VPS26B: variants seen among roughly 807,000 people sequenced by gnomAD.
The protein encoded by VPS26B is vacuolar protein sorting-associated protein 26B.
A neutral mutation model predicts 33.3 loss-of-function variants in VPS26B; 10 were observed. The observed-to-expected ratio is 0.30, with a 90% CI of 0.19 to 0.51. VPS26B has a LOEUF of 0.51. Ranked by LOEUF, VPS26B falls within the 20% of genes least tolerant of loss-of-function variation. VPS26B has a pLI of 0.98. For missense variants in VPS26B, 317 were observed against 452.7 expected (o/e 0.70, Z 2.72); for synonymous variants, 190 against 176.9 (o/e 1.07, Z -0.59).
At chr11:134,237,504 G>A (rs1029130375) in intron 2 of VPS26B, among the ~76,000 whole-genome samples, 15 of 152,182 alleles carry the variant, frequency 9.9e-5, no homozygotes, top group African/African-American at 2.4e-4. Flanking sequence ...AATTGGAAGC[G>A]CAGACCTGGC....
intron 2 of VPS26B, among the ~76,000 whole-genome samples, chr11:134,239,349 T>C (rs1938683151): frequency 1.3e-5 from 2 of 152,166 alleles, no homozygotes; most frequent in Admixed American, 1.3e-4. Context: ...TATTTGCCCA[T>C]CTCCCCCGGT....
chr11:134,232,950 TC>T (rs1297404123), intron 1 of VPS26B, among the ~76,000 whole-genome samples: 5 of 152,210 alleles, frequency 3.3e-5, no homozygotes, highest in African/African-American at 1.2e-4. Context: ...CTTCTGCCTG[TC>T]ATATACTTCT....
At position 134,239,146 on chromosome 11, in the gene VPS26B, C is replaced by T. The variant is rs372663667; in HGVS notation, c.381-845C>T. 2.6e-5 allele frequency among the ~76,000 whole-genome samples: 4 copies of T among 152,150 alleles called. No individual in the cohort carries two copies. The South Asian group carries it at 6.2e-4, about 24-fold the overall frequency. ...CCCTTCAGGGCTGTGTCTCTGTCTTCTCTCTCATCCCCTCCACAGCAGCGT... is the reference window on the plus strand; with the variant it reads ...CCCTTCAGGGCTGTGTCTCTGTCTTTTCTCTCATCCCCTCCACAGCAGCGT... On this transcript the variant is annotated intron_variant, in intron 2 of 5. Coordinates refer to ENST00000281187, the MANE Select transcript of VPS26B (RefSeq NM_052875.5).
chr11:134,240,156 G>A lies in VPS26B; in HGVS notation c.545+1G>A. 1 of 1,614,156 alleles carries A rather than the reference G, an allele frequency of 6.2e-7. No homozygotes were observed. Among genetic ancestry groups the A allele is most frequent in the Non-Finnish European group, 8.5e-7 (1 of 1,180,016 alleles). On this transcript the variant is annotated splice_donor_variant, in intron 3 of 5. Transcript: ENST00000281187. LOFTEE classifies it high-confidence loss of function. The surrounding 1 kb of genome is among the most constrained non-coding windows in gnomAD (Gnocchi z 4.4). ...TTGAATTTGAGTACAATAAATCCAA[G>A]TAAGTGTCTCAGTGCCAAGGTTGTG... is the stretch of plus-strand genomic sequence containing the variant.
chr11:134,228,367 G>A (rs1187258291), intron 1 of VPS26B, among the ~76,000 whole-genome samples: 2 of 151,120 alleles, frequency 1.3e-5, no homozygotes, highest in Admixed American at 1.3e-4. Flanking sequence ...AGTTCTATTC[G>A]ATGTAAAAGG....
rs1361865686 is a variant in VPS26B, at chr11:134,246,603, C to T, written c.*1013C>T. The T allele has an allele frequency of 6.6e-6, 1 of 152,432 alleles. No individual in the cohort carries two copies. The highest frequency in any genetic ancestry group is 1.5e-5 in the Non-Finnish European group (1 of 68,030). The allele number at this position is 152,432 out of a possible 1,614,324, so 9.4% of individuals were successfully genotyped here. A position where few individuals can be genotyped will look rare whatever the true frequency, so the allele number is the denominator to read the frequency against. ...CTAATGCCCAAGCCCCTTTACCCCT[C>T]TCCCTATAGGTTACACAGGGGAGAC... On this transcript the variant is annotated 3_prime_UTR_variant, in exon 6 of 6. Transcript: ENST00000281187.
In VPS26B at chr11:134,240,016, C is replaced by T; in HGVS notation, c.406C>T (p.Arg136Cys). 1.2e-6 allele frequency: 2 copies of T among 1,614,092 alleles called. No individual in the cohort carries two copies. The highest frequency in any genetic ancestry group is 1.7e-6 in the Non-Finnish European group (2 of 1,180,008). The change falls in exon 3 of 6, where the codon CGC (arginine) becomes TGC (cysteine). Residue 136 changes from arginine (R) to cysteine (C), a missense_variant. Transcript: ENST00000281187. The surrounding 1 kb of genome is among the most constrained non-coding windows in gnomAD (Gnocchi z 4.4). ...LRYFLRATIS[R>C]RLNDVVKEMD... is the part of the protein sequence containing the mutation. The stretch of plus-strand genomic sequence containing the variant: ...CTATTTCCTTCGTGCTACCATCAGC[C>T]GCCGCCTCAATGATGTTGTCAAAGA...
At chr11:134,226,654 C>CACT (rs1291719654) in intron 1 of VPS26B, among the ~76,000 whole-genome samples, 2 of 152,218 alleles carry the variant, frequency 1.3e-5, no homozygotes, top group East Asian at 3.8e-4. Flanking sequence ...CGATACCACA[C>CACT]ACTGCATACA....
chr11:134,225,745 C>T (rs551696248), intron 1 of VPS26B, among the ~76,000 whole-genome samples: 38 of 152,344 alleles, frequency 2.5e-4, no homozygotes, highest in African/African-American at 8.4e-4. Context: ...CCAATACTGG[C>T]TTTCCCATCG....
Position 134,225,015 on chromosome 11 carries a change from G to C in VPS26B, c.-108G>C. 9.2e-7 allele frequency: 1 copy of C among 1,082,808 alleles called. No individual in the cohort carries two copies. The highest frequency in any genetic ancestry group is 1.2e-6 in the Non-Finnish European group (1 of 824,394). The allele number at this position is 1,082,808 out of a possible 1,614,324, so 67.1% of individuals were successfully genotyped here. On this transcript the variant is annotated 5_prime_UTR_variant, in exon 1 of 6. Transcript: ENST00000281187. ...GGCGGAGCCAGGCAGCCCCGCGGCGGCCGAGCGCGCTCGCGCATCGGGCCC... is the reference window on the plus strand; with the variant it reads ...GGCGGAGCCAGGCAGCCCCGCGGCGCCCGAGCGCGCTCGCGCATCGGGCCC...
intron 2 of VPS26B, among the ~76,000 whole-genome samples, chr11:134,236,011 G>A (rs1938626902): frequency 6.6e-6 from 1 of 152,058 alleles, no homozygotes; most frequent in African/African-American, 2.4e-5. Flanking sequence ...TTCTTTCTCT[G>A]TCCTCCCTTC....
At position 134,246,097 on chromosome 11, in the gene VPS26B, CTT is replaced by C. The variant is rs1171568281; in HGVS notation, c.*509_*510del. ...AAGACTCACGATTGGGAAGCTACCT[CTT>C]TGGGAATCTTGGATGTGGTGATCTC... On this transcript the variant is annotated 3_prime_UTR_variant, in exon 6 of 6. Coordinates refer to ENST00000281187, the MANE Select transcript of VPS26B (RefSeq NM_052875.5). 2 of 154,164 alleles carry C rather than the reference CTT, an allele frequency of 1.3e-5. No individual in the cohort carries two copies. Among genetic ancestry groups the C allele is most frequent in the Non-Finnish European group, 2.9e-5 (2 of 69,280 alleles). 9.5% of individuals were successfully genotyped at this position (154,164 alleles called of 1,614,324 possible).
chr11:134,229,737 C>CTT (rs923068736), intron 1 of VPS26B, among the ~76,000 whole-genome samples: 1 of 152,190 alleles, frequency 6.6e-6, no homozygotes, highest in African/African-American at 2.4e-5. Flanking sequence ...GTCTTCCTGC[C>CTT]TTTGTCTTCC....
At chr11:134,236,498 A>G (rs1313032465) in intron 2 of VPS26B, 1 of 152,172 alleles carries the variant, frequency 6.6e-6, no homozygotes, top group African/African-American at 2.4e-5. Context: ...TCTCGAACGG[A>G]TATCTGTACA....
rs1010222397 is a variant in VPS26B at position 134,240,939 on chromosome 11, G to A, written c.545+784G>A. ...CTACAGGCATGAGCCACCATGCCCAGCCCTGATGTATTTTTTATAAAAGTC... is the reference window on the plus strand; with the variant it reads ...CTACAGGCATGAGCCACCATGCCCAACCCTGATGTATTTTTTATAAAAGTC... On this transcript the variant is annotated intron_variant, in intron 3 of 5. Coordinates refer to ENST00000281187, the MANE Select transcript of VPS26B (RefSeq NM_052875.5). The surrounding 1 kb of genome is among the most constrained non-coding windows in gnomAD (Gnocchi z 4.4). Among the ~76,000 whole-genome samples the A allele has an allele frequency of 6.6e-6, 1 of 152,020 alleles. No individual in the cohort carries two copies. The highest frequency in any genetic ancestry group is 6.6e-5 in the Admixed American group (1 of 15,264).
chr11:134,225,485 T>C (rs1249295890), intron 1 of VPS26B, 140 bp downstream of exon 1: 1 of 849,084 alleles, frequency 1.2e-6, no homozygotes, highest in Admixed American at 2.1e-5. Context: ...CAGCTACAAG[T>C]CCCGCCCGTG....
At chr11:134,234,218 A>G (rs866722096) in intron 1 of VPS26B, among the ~76,000 whole-genome samples, 3 of 152,242 alleles carry the variant, frequency 2.0e-5, no homozygotes, top group Non-Finnish European at 4.4e-5. Context: ...TTTTGGAGTA[A>G]TAACAGCAGC....
Position 134,245,827 on chromosome 11 carries a change from G to C in VPS26B, c.*237G>C. 1.9e-6 allele frequency: 1 copy of C among 525,870 alleles called. No individual in the cohort carries two copies. Among genetic ancestry groups the C allele is most frequent in the Non-Finnish European group, 3.3e-6 (1 of 299,930 alleles). 32.6% of individuals were successfully genotyped at this position (525,870 alleles called of 1,614,324 possible). ...GTGGGATAGAAGAGGTAGCATCCTG[G>C]AAGCCAGCCTCTCTGGGGAACATGA... On this transcript the variant is annotated 3_prime_UTR_variant, in exon 6 of 6. Coordinates refer to ENST00000281187, the MANE Select transcript of VPS26B (RefSeq NM_052875.5). The surrounding 1 kb of genome is among the most constrained non-coding windows in gnomAD (Gnocchi z 4.7).
intron 1 of VPS26B, among the ~76,000 whole-genome samples, chr11:134,230,406 T>C (rs1402433783): frequency 6.6e-6 from 1 of 152,246 alleles, no homozygotes; most frequent in Non-Finnish European, 1.5e-5. Context: ...GCAAGAGTTG[T>C]TTTAATGAAA....
Sources: gnomAD v4.1 joint callset for allele counts (sites outside exome capture counted in the v4.1 genomes callset) on GRCh38, gnomAD v4.1.1 for gene constraint, Gnocchi (gnomAD v3.1) non-coding constraint, MANE v1.5 for transcripts, NCBI Gene and HGNC (gene_info 2026-07-23, HGNC 2026-07-21) for gene names.